FRMD4B: variants seen among roughly 807,000 people sequenced by gnomAD.
FRMD4B encodes FERM domain-containing protein 4B.
In FRMD4B, 74 loss-of-function variants were observed where a neutral mutation model predicts 141.5. That is an observed-to-expected ratio of 0.52 (90% confidence interval 0.43 to 0.63). FRMD4B has a LOEUF of 0.63. FRMD4B is among the 30% of genes least tolerant of loss of function. The probability of loss-of-function intolerance (pLI) is 0.00; values close to 1 mark genes in which losing one functional copy is unlikely to be tolerated. For synonymous variants in FRMD4B, 506 were observed against 467.9 expected (o/e 1.08, Z -1.05); for missense variants, 1,366 against 1,253.4 (o/e 1.09, Z -1.36).
intron 1 of FRMD4B, among the ~76,000 whole-genome samples, chr3:69,506,491 G>A (rs532285257): frequency 6.6e-6 from 1 of 151,526 alleles, no homozygotes; most frequent in African/African-American, 2.4e-5. Flanking sequence ...CTTAGGAAGT[G>A]TATTAATTCC....
At chr3:69,428,337 C>T (rs1342677642) in intron 2 of FRMD4B, among the ~76,000 whole-genome samples, 2 of 149,434 alleles carry the variant, frequency 1.3e-5, no homozygotes, top group Non-Finnish European at 3.0e-5. Flanking sequence ...TCTCCTAGTT[C>T]TGCTGGGGAT....
At chr3:69,473,295 A>G (rs1171899492) in intron 1 of FRMD4B, among the ~76,000 whole-genome samples, 2 of 152,074 alleles carry the variant, frequency 1.3e-5, no homozygotes, top group African/African-American at 4.8e-5. Flanking sequence ...TCTTCTATCC[A>G]GCTGATGGCT....
At chr3:69,281,695 G>A (rs149992644) in intron 5 of FRMD4B, among the ~76,000 whole-genome samples, 3 of 151,816 alleles carry the variant, frequency 2.0e-5, no homozygotes, top group South Asian at 2.1e-4. Context: ...GTGGTGATGC[G>A]TGCCTGTAAT....
rs762626646 is a variant in FRMD4B, at chr3:69,405,165, C to T, written c.-1+27469G>A. Among the ~76,000 whole-genome samples the T allele has an allele frequency of 3.9e-5, 6 of 152,342 alleles. No individual in the cohort carries two copies. The East Asian group carries it at 1.2e-3, about 29-fold the overall frequency. ...GCCAAGAATGTTTTCTTTCTCCTTG[C>T]TCTTGCCATTGCTTCTTTTACACAG... is the stretch of plus-strand genomic sequence containing the variant. On this transcript the variant is annotated intron_variant, in intron 2 of 5. Coordinates refer to the FRMD4B transcript ENST00000459638.
chr3:69,379,512 C>A (rs1575777531), intron 1 of FRMD4B, among the ~76,000 whole-genome samples: 2 of 152,180 alleles, frequency 1.3e-5, no homozygotes, highest in Admixed American at 1.3e-4. Context: ...CTCCTGGGCT[C>A]AAGTGACCTG....
At chr3:69,185,556 T>A (rs2092757471) in intron 19 of FRMD4B, among the ~76,000 whole-genome samples, 1 of 152,200 alleles carries the variant, frequency 6.6e-6, no homozygotes, top group African/African-American at 2.4e-5. Context: ...AGTTCTAGGC[T>A]ACCTAGGTTC....
At chr3:69,266,259 T>C (rs2106895715) in intron 5 of FRMD4B, among the ~76,000 whole-genome samples, 1 of 151,908 alleles carries the variant, frequency 6.6e-6, no homozygotes, top group Non-Finnish European at 1.5e-5. Flanking sequence ...ACACAGGATG[T>C]GACTTAAAGA....
rs1158924 is a variant in FRMD4B at position 69,456,051 on chromosome 3, A to C, written c.-128-23290T>G. On this transcript the variant is annotated intron_variant, in intron 1 of 5. Coordinates refer to the FRMD4B transcript ENST00000459638. Reference sequence around the variant, plus strand: ...TTAGTTTCTGGCACGTGGTGAAGGCAGTTAATAACTGGTGCCGAGTATCTC... The same window carrying C: ...TTAGTTTCTGGCACGTGGTGAAGGCCGTTAATAACTGGTGCCGAGTATCTC... Among the ~76,000 whole-genome samples, 17 of 152,174 alleles carry C rather than the reference A, an allele frequency of 1.1e-4. No homozygotes were observed. In the East Asian group the frequency reaches 3.1e-3, roughly 28 times the overall value.
At chr3:69,491,198 C>T (rs1159285048) in intron 1 of FRMD4B, among the ~76,000 whole-genome samples, 3 of 152,148 alleles carry the variant, frequency 2.0e-5, no homozygotes, top group East Asian at 1.9e-4. Context: ...AACAATAGGT[C>T]GAGAAGCCAT....
At chr3:69,216,011 G>A (rs559223407) in intron 11 of FRMD4B, among the ~76,000 whole-genome samples, 11 of 152,214 alleles carry the variant, frequency 7.2e-5, no homozygotes, top group Non-Finnish European at 8.8e-5. Context: ...AAAATTAGCC[G>A]GGTGTGGTGG....
intron 1 of FRMD4B, among the ~76,000 whole-genome samples, chr3:69,467,318 A>T (rs1705808725): frequency 6.6e-6 from 1 of 152,138 alleles, no homozygotes; most frequent in Admixed American, 6.5e-5. Context: ...CTAGCATTTG[A>T]GCGGTAACTG....
chr3:69,220,461 A>G (rs933241215), intron 9 of FRMD4B, among the ~76,000 whole-genome samples: 4 of 152,226 alleles, frequency 2.6e-5, no homozygotes, highest in Admixed American at 2.6e-4. Context: ...TTCAGTTCAG[A>G]AAACAGGCAC....
At chr3:69,369,909 G>A (rs1703777263) in intron 1 of FRMD4B, among the ~76,000 whole-genome samples, 1 of 152,148 alleles carries the variant, frequency 6.6e-6, no homozygotes, top group Non-Finnish European at 1.5e-5. Context: ...TAGCAATGAT[G>A]ATGGCAGATT....
chr3:69,221,636 T>C (rs2093195843), intron 9 of FRMD4B, among the ~76,000 whole-genome samples: 1 of 152,198 alleles, frequency 6.6e-6, no homozygotes, highest in Non-Finnish European at 1.5e-5. Context: ...GCCCTACATC[T>C]GGTCTACATT....
chr3:69,513,198 C>T (rs1252360001), intron 1 of FRMD4B, among the ~76,000 whole-genome samples: 4 of 151,502 alleles, frequency 2.6e-5, no homozygotes, highest in African/African-American at 9.7e-5. Context: ...ACTCAAAAAA[C>T]TAGAATTAGA....
chr3:69,172,032 C>T (rs1490622142), intron 22 of FRMD4B, 51 bp from the exon 23 acceptor site: 1 of 1,586,670 alleles, frequency 6.3e-7, no homozygotes, highest in Admixed American at 1.7e-5. Context: ...TTTTTGTCCC[C>T]ACAGCACAAA....
chr3:69,463,396 T>C (rs1027993240), intron 1 of FRMD4B, among the ~76,000 whole-genome samples: 9 of 152,222 alleles, frequency 5.9e-5, no homozygotes, highest in African/African-American at 2.2e-4. Flanking sequence ...TCCATTGAAG[T>C]ACACATACCA....
chr3:69,233,972 C>A (rs776161609), intron 7 of FRMD4B, among the ~76,000 whole-genome samples: 11 of 152,080 alleles, frequency 7.2e-5, no homozygotes, highest in African/African-American at 2.4e-4. Context: ...TTAGGCCAGG[C>A]GTAGTAGCTC....
At chr3:69,296,174 G>A (rs1300965645) in intron 4 of FRMD4B, among the ~76,000 whole-genome samples, 2 of 151,866 alleles carry the variant, frequency 1.3e-5, no homozygotes, top group African/African-American at 2.4e-5. Flanking sequence ...ATTGTCCTGA[G>A]ACACACACAC....
Sources: gnomAD v4.1 joint callset for allele counts (sites outside exome capture counted in the v4.1 genomes callset) on GRCh38, gnomAD v4.1.1 for gene constraint, MANE v1.5 for transcripts, NCBI Gene and HGNC (gene_info 2026-07-23, HGNC 2026-07-21) for gene names.